HIVEP3: variants seen among roughly 807,000 people sequenced by gnomAD.
The protein encoded by HIVEP3 is HIVEP zinc finger 3.
Under a neutral mutation model 152.8 loss-of-function variants are expected in HIVEP3, and 49 were observed. The observed-to-expected ratio is 0.32, with a 90% CI of 0.26 to 0.41. HIVEP3 has a LOEUF of 0.41. Ranked by LOEUF, HIVEP3 falls within the 10% of genes least tolerant of loss-of-function variation. The probability of loss-of-function intolerance (pLI) is 1.00; values close to 1 mark genes in which losing one functional copy is unlikely to be tolerated. For synonymous variants in HIVEP3, 1,269 were observed against 1,289.0 expected (o/e 0.98, Z 0.33); for missense variants, 2,790 against 3,103.3 (o/e 0.90, Z 2.40).
At chr1:41,869,630 C>T (rs1245093380) in intron 1 of HIVEP3, 1 of 152,084 alleles carries the variant, frequency 6.6e-6, no homozygotes, top group East Asian at 1.9e-4. Context: ...GTTCTATAAT[C>T]CTATAAAGTA....
chr1:41,970,624 C>T (rs535160195), intron 1 of HIVEP3, among the ~76,000 whole-genome samples: 2 of 152,242 alleles, frequency 1.3e-5, no homozygotes, highest in African/African-American at 4.8e-5. Context: ...ATAGGTGCAG[C>T]AAATCACCAT....
At chr1:41,512,157 G>A (rs904128807) in intron 8 of HIVEP3, among the ~76,000 whole-genome samples, 3 of 152,118 alleles carry the variant, frequency 2.0e-5, no homozygotes, top group East Asian at 1.9e-4. Flanking sequence ...ATATGATATC[G>A]TTTGGATATT....
At chr1:41,919,936 G>T (rs942924546), upstream of HIVEP3, among the ~76,000 whole-genome samples, 53 of 152,148 alleles carry the variant, frequency 3.5e-4, no homozygotes, top group Non-Finnish European at 2.8e-4. Context: ...GCTGGTTCCC[G>T]CCTAAGAGCA....
In HIVEP3 at chr1:41,510,904, A is replaced by G. The variant is rs60232566; in HGVS notation, c.6768T>C (p.Pro2256=). 8,811 of 1,613,482 alleles carry G rather than the reference A, an allele frequency of 5.5e-3. 449 individuals carry two copies. In the African/African-American group the frequency reaches 0.11, roughly 19 times the overall value. ...GTGTGAATTTGGAGACCTTAGCCAC[A>G]GGCGACACGGAGGCTGACGAGCTCT... is the stretch of plus-strand genomic sequence containing the variant. ...PTESSSASVS[P]VAKVSKFTLS... is the part of the protein sequence containing the mutation. Residue 2256 remains proline, a synonymous_variant, in exon 9 of 9, where the codon CCT becomes CCC. Transcript: ENST00000372583.
At chr1:41,953,600 T>C (rs1190728065) in intron 1 of HIVEP3, among the ~76,000 whole-genome samples, 1 of 152,172 alleles carries the variant, frequency 6.6e-6, no homozygotes, top group Non-Finnish European at 1.5e-5. Flanking sequence ...CACCCCATGC[T>C]CAGTTTGGAG....
In HIVEP3 at chr1:42,026,113, G is replaced by A. The variant is rs1014419280; in HGVS notation, n.119+9694C>T. Among the ~76,000 whole-genome samples the A allele has an allele frequency of 5.9e-5, 9 of 151,846 alleles. No homozygotes were observed. In the South Asian group the frequency reaches 1.2e-3, roughly 21 times the overall value. Reference sequence around the variant, plus strand: ...ATCTGCGAAAAGGCTTGTCGGTCACGATAACTTACTTTTCCTTTTTTTCTC... The same window carrying A: ...ATCTGCGAAAAGGCTTGTCGGTCACAATAACTTACTTTTCCTTTTTTTCTC... On this transcript the variant is annotated intron_variant and non_coding_transcript_variant, in intron 1 of 3. Transcript: ENST00000489103.
At chr1:41,613,551 A>G (rs1202773316) in intron 3 of HIVEP3, among the ~76,000 whole-genome samples, 10 of 152,242 alleles carry the variant, frequency 6.6e-5, no homozygotes, top group Non-Finnish European at 1.3e-4. Flanking sequence ...AGCTTCAGTT[A>G]ATAGTTTGCA....
At chr1:41,548,287 C>T (rs1643852673) in intron 5 of HIVEP3, among the ~76,000 whole-genome samples, 1 of 152,188 alleles carries the variant, frequency 6.6e-6, no homozygotes, top group African/African-American at 2.4e-5. Flanking sequence ...TCACTCTCCC[C>T]ACCCTGCAGA....
At chr1:41,834,317 G>T (rs983049056) in intron 1 of HIVEP3, among the ~76,000 whole-genome samples, 1 of 152,168 alleles carries the variant, frequency 6.6e-6, no homozygotes, top group South Asian at 2.1e-4. Context: ...AGGGGAAGGG[G>T]GAATATGTCC....
chr1:41,867,184 C>T (rs1643992924), intron 1 of HIVEP3, among the ~76,000 whole-genome samples: 1 of 152,084 alleles, frequency 6.6e-6, no homozygotes, highest in South Asian at 2.1e-4. Flanking sequence ...GCATTTCTAG[C>T]TCAGGGCCAG....
chr1:41,708,609 T>C (rs1646468557), intron 1 of HIVEP3, among the ~76,000 whole-genome samples: 1 of 152,232 alleles, frequency 6.6e-6, no homozygotes, highest in African/African-American at 2.4e-5. Flanking sequence ...GTCTGCTTCT[T>C]CAGCCTTCCT....
At chr1:41,748,251 G>C (rs1055476721) in intron 1 of HIVEP3, among the ~76,000 whole-genome samples, 1 of 152,176 alleles carries the variant, frequency 6.6e-6, no homozygotes, top group Non-Finnish European at 1.5e-5. Context: ...TGAGGAACTT[G>C]TCCCTCTCTT....
chr1:41,606,850 C>T (rs1044033140), intron 3 of HIVEP3, among the ~76,000 whole-genome samples: 1 of 149,694 alleles, frequency 6.7e-6, no homozygotes, highest in South Asian at 2.1e-4. Context: ...ATTTTTGAGT[C>T]TCTCTGGAAG....
Position 41,950,693 on chromosome 1 carries a change from T to C in HIVEP3, n.120-32169A>G, listed in dbSNP as rs1408313731. On this transcript the variant is annotated intron_variant and non_coding_transcript_variant, in intron 1 of 3. Coordinates refer to the HIVEP3 transcript ENST00000489103. ...TATTTTGTACTCCATTAATATAACA[T>C]GTAAATAATAGGGGACACTATGTGA... is the stretch of plus-strand genomic sequence containing the variant. Among the ~76,000 whole-genome samples the C allele has an allele frequency of 4.6e-5, 7 of 152,196 alleles. No homozygotes were observed. In the South Asian group the frequency reaches 1.0e-3, roughly 23 times the overall value.
intron 2 of HIVEP3, among the ~76,000 whole-genome samples, chr1:41,641,827 A>G (rs919702132): frequency 4.6e-5 from 7 of 152,122 alleles, no homozygotes; most frequent in African/African-American, 1.4e-4. Context: ...TTGGGATGCC[A>G]TTTTTAGGGT....
chr1:41,944,716 A>C (rs980231704), intron 1 of HIVEP3, among the ~76,000 whole-genome samples: 4 of 152,212 alleles, frequency 2.6e-5, no homozygotes, highest in Admixed American at 2.6e-4. Flanking sequence ...TAATCCGATA[A>C]GCAGAGGTCC....
intron 3 of HIVEP3, among the ~76,000 whole-genome samples, chr1:41,594,938 T>C (rs953302724): frequency 1.3e-5 from 2 of 152,178 alleles, no homozygotes; most frequent in Admixed American, 6.6e-5. Flanking sequence ...AAAGCTTAAG[T>C]TTTTTTACTC....
At chr1:41,802,441 C>G (rs1320953960) in intron 1 of HIVEP3, among the ~76,000 whole-genome samples, 7 of 152,254 alleles carry the variant, frequency 4.6e-5, no homozygotes, top group South Asian at 2.1e-4. Context: ...GTCTCAAACT[C>G]CTGGGCTCAA....
chr1:41,621,533 G>A (rs911119060), intron 3 of HIVEP3, among the ~76,000 whole-genome samples: 9 of 152,142 alleles, frequency 5.9e-5, no homozygotes, highest in Non-Finnish European at 7.3e-5. Flanking sequence ...TTTGTTTTTC[G>A]AGACAGGGTC....
Sources: gnomAD v4.1 joint callset for allele counts (sites outside exome capture counted in the v4.1 genomes callset) on GRCh38, gnomAD v4.1.1 for gene constraint, MANE v1.5 for transcripts, NCBI Gene and HGNC (gene_info 2026-07-23, HGNC 2026-07-21) for gene names.